CGGBP1: variants seen among roughly 807,000 people sequenced by gnomAD.
The protein encoded by CGGBP1 is CGG triplet repeat binding protein 1, also known as CGG triplet repeat-binding protein 1.
A neutral mutation model predicts 11.4 loss-of-function variants in CGGBP1; 4 were observed. The ratio of observed to expected loss-of-function variants is 0.35; its 90% CI spans 0.17 to 0.80. CGGBP1 has a LOEUF of 0.80. CGGBP1 is among the 30% of genes least tolerant of loss of function. The probability of loss-of-function intolerance (pLI) is 0.52; values close to 1 mark genes in which losing one functional copy is unlikely to be tolerated. For missense variants in CGGBP1, 135 were observed against 202.1 expected, an observed-to-expected ratio of 0.67 and a Z score of 2.01; for synonymous variants, 76 against 74.1, an observed-to-expected ratio of 1.03 and a Z score of -0.13.
At position 88,125,235 on chromosome 3, in the gene CGGBP1, C is replaced by CA. The variant is rs199953949; in HGVS notation, c.-229+15734dup. ...CATCTCAAAAAAAAAAACAAAAAAA[C>CA]AAAAAAAAACCAATATCTAATAAAG... On this transcript the variant is annotated intron_variant, in intron 2 of 3. Transcript: ENST00000462901. 8.5e-3 allele frequency among the ~76,000 whole-genome samples: 1,243 copies of CA among 146,384 alleles called. 10 individuals carry two copies. Among genetic ancestry groups the CA allele is most frequent in the African/African-American group, 0.03 (1,192 of 39,992 alleles).
At chr3:88,115,092 T>C (rs777710406) in intron 2 of CGGBP1, among the ~76,000 whole-genome samples, 2 of 152,188 alleles carry the variant, frequency 1.3e-5, no homozygotes, top group African/African-American at 2.4e-5. Context: ...ACAGTCCTAC[T>C]CATATTTTAA....
intron 2 of CGGBP1, among the ~76,000 whole-genome samples, chr3:88,125,387 T>C (rs974379692): frequency 2.6e-5 from 4 of 152,198 alleles, no homozygotes; most frequent in African/African-American, 7.2e-5. Context: ...TTTCATGTTA[T>C]AATGACAAGT....
intron 1 of CGGBP1, among the ~76,000 whole-genome samples, chr3:88,148,665 C>T (rs1707351969): frequency 6.6e-6 from 1 of 152,168 alleles, no homozygotes; most frequent in Admixed American, 6.5e-5. Context: ...GACAGGGTCT[C>T]GCTCTGTCAC....
At chr3:88,111,324 G>C (rs1228333957) in intron 2 of CGGBP1, among the ~76,000 whole-genome samples, 1 of 151,896 alleles carries the variant, frequency 6.6e-6, no homozygotes, top group Admixed American at 6.6e-5. Context: ...ACCCTTTGCA[G>C]AGTCAGTTGC....
At chr3:88,092,436 TA>T (rs1370626306) in intron 2 of CGGBP1, among the ~76,000 whole-genome samples, 1 of 152,140 alleles carries the variant, frequency 6.6e-6, no homozygotes, top group Admixed American at 6.6e-5. Flanking sequence ...TGAGAGGGCA[TA>T]ACAGGGACTT....
At chr3:88,129,840 A>G in intron 2 of CGGBP1, 1 of 1,406,234 alleles carries the variant, frequency 7.1e-7, no homozygotes, top group Non-Finnish European at 9.3e-7. Flanking sequence ...AGTGTTTGTA[A>G]ATAAAGAAAT....
intron 2 of CGGBP1, among the ~76,000 whole-genome samples, chr3:88,071,117 A>G (rs921666018): frequency 6.6e-6 from 1 of 152,138 alleles, no homozygotes; most frequent in African/African-American, 2.4e-5. Flanking sequence ...TAGATATTCA[A>G]TTTTTGCTTT....
chr3:88,120,493 G>GT (rs2107797324), intron 2 of CGGBP1, among the ~76,000 whole-genome samples: 3 of 152,238 alleles, frequency 2.0e-5, no homozygotes, highest in African/African-American at 7.2e-5. Flanking sequence ...GACTAGAATG[G>GT]TAATTGTAGA....
At chr3:88,110,280 A>G (rs1419842561) in intron 2 of CGGBP1, among the ~76,000 whole-genome samples, 1 of 152,138 alleles carries the variant, frequency 6.6e-6, no homozygotes, top group African/African-American at 2.4e-5. Context: ...CAGCTAGACC[A>G]TGGGTCTGTA....
chr3:88,104,990 A>G (rs1186321946), intron 2 of CGGBP1, among the ~76,000 whole-genome samples: 1 of 152,144 alleles, frequency 6.6e-6, no homozygotes, highest in African/African-American at 2.4e-5. Flanking sequence ...AATACCAAAA[A>G]TTAGTCAGGT....
intron 2 of CGGBP1, chr3:88,135,150 C>T: frequency 1.3e-6 from 2 of 1,491,422 alleles, no homozygotes; most frequent in Non-Finnish European, 1.8e-6. Context: ...CTTTTAAGAA[C>T]AGCAACTAAT....
intron 2 of CGGBP1, among the ~76,000 whole-genome samples, chr3:88,100,626 A>G (rs1011377048): frequency 6.6e-6 from 1 of 152,240 alleles, no homozygotes; most frequent in African/African-American, 2.4e-5. Context: ...AATACGATGC[A>G]GCCATAAAAA....
intron 2 of CGGBP1, among the ~76,000 whole-genome samples, chr3:88,132,827 C>T (rs1706545225): frequency 6.6e-6 from 1 of 152,116 alleles, no homozygotes; most frequent in African/African-American, 2.4e-5. Flanking sequence ...AAATAGATAA[C>T]AGTCATACAG....
rs139001002 is a variant in CGGBP1, at chr3:88,057,148, A to G, written c.-24+43T>C. The G allele has an allele frequency of 2.7e-3, 416 of 152,340 alleles. 1 individual carries two copies. Among genetic ancestry groups the G allele is most frequent in the African/African-American group, 8.9e-3 (372 of 41,586 alleles). The allele number at this position is 152,340 out of a possible 1,614,324, so 9.4% of individuals were successfully genotyped here. On this transcript the variant is annotated intron_variant, in intron 3 of 3. Transcript: ENST00000482016. ...AGTGTGCTCTGAAGAATTATGTCTC[A>G]TAAGTGTAATCAGAAACGATGGAGT...
intron 2 of CGGBP1, among the ~76,000 whole-genome samples, chr3:88,085,697 G>C (rs1176227581): frequency 6.6e-6 from 1 of 152,120 alleles, no homozygotes; most frequent in Admixed American, 6.5e-5. Flanking sequence ...ATGACCTGTT[G>C]ACCTACCCAG....
At chr3:88,118,189 A>G (rs540604774) in intron 2 of CGGBP1, among the ~76,000 whole-genome samples, 9 of 152,224 alleles carry the variant, frequency 5.9e-5, no homozygotes, top group African/African-American at 2.2e-4. Context: ...ATAAGTCGCA[A>G]AGATCTTTTT....
upstream of CGGBP1, chr3:88,059,645 C>T: frequency 1.5e-6 from 2 of 1,295,684 alleles, no homozygotes; most frequent in South Asian, 1.7e-5. Context: ...AAGCTCCCTC[C>T]TCCACTTATC....
At chr3:88,078,109 T>A (rs1397747764) in intron 2 of CGGBP1, among the ~76,000 whole-genome samples, 2 of 152,236 alleles carry the variant, frequency 1.3e-5, no homozygotes, top group African/African-American at 2.4e-5. Flanking sequence ...CTATTGTGAA[T>A]ATCGGACTGA....
chr3:88,127,579 C>T (rs1706191679), intron 2 of CGGBP1, among the ~76,000 whole-genome samples: 1 of 151,952 alleles, frequency 6.6e-6, no homozygotes, highest in Non-Finnish European at 1.5e-5. Context: ...TGCATGTGCC[C>T]AGAGGGGAAG....
Sources: allele counts gnomAD v4.1 joint callset (sites outside exome capture counted in the v4.1 genomes callset), GRCh38; gene constraint gnomAD v4.1.1; transcripts MANE v1.5; gene names NCBI Gene and HGNC (gene_info 2026-07-23, HGNC 2026-07-21).